Variants in CEP70 observed in about 807,000 individuals in gnomAD.
CEP70 encodes centrosomal protein 70, also known as centrosomal protein of 70 kDa.
CEP70 carries 70 observed loss-of-function variants against 90.9 expected under a neutral mutation model. The observed-to-expected ratio is 0.77, with a 90% CI of 0.64 to 0.94. The LOEUF is 0.94. Among genes scored for constraint, CEP70 ranks in the 40% least tolerant of loss-of-function variants. The pLI, the probability that CEP70 is intolerant of heterozygous loss-of-function variation, is 0.00. For synonymous variants in CEP70, 220 were observed against 228.3 expected (o/e 0.96, Z 0.33); for missense variants, 648 against 669.0 (o/e 0.97, Z 0.35).
intron 6 of CEP70, among the ~76,000 whole-genome samples, chr3:138,552,103 C>A (rs989049730): frequency 2.0e-5 from 3 of 152,102 alleles, no homozygotes; most frequent in African/African-American, 7.2e-5. Context: ...TGATAGAAAG[C>A]CTTGTCCAAC....
At chr3:138,544,033 A>G (rs979444555) in intron 6 of CEP70, among the ~76,000 whole-genome samples, 1 of 152,186 alleles carries the variant, frequency 6.6e-6, no homozygotes, top group East Asian at 1.9e-4. Flanking sequence ...TCATGCCTGT[A>G]ATCTCCACAC....
intron 11 of CEP70, among the ~76,000 whole-genome samples, chr3:138,522,271 T>A (rs2036734238): frequency 3.2e-5 from 4 of 126,508 alleles, no homozygotes; most frequent in African/African-American, 5.9e-5. Flanking sequence ...AACCCAAGAA[T>A]GATCAATAAA....
At chr3:138,541,430 GAAAAA>G in intron 6 of CEP70, among the ~76,000 whole-genome samples, 1 of 144,536 alleles carries the variant, frequency 6.9e-6, no homozygotes, top group South Asian at 2.2e-4. Flanking sequence ...AAAAGAAAAA[GAAAAA>G]AAAAAACCTG....
intron 12 of CEP70, among the ~76,000 whole-genome samples, chr3:138,506,908 T>G (rs1359463624): frequency 5.3e-5 from 8 of 151,678 alleles, no homozygotes. Context: ...GCCCAGCTAA[T>G]TAAATTTTTT....
chr3:138,536,083 CTAATTATTCAAGATTT>C (rs2038242146), intron 7 of CEP70, among the ~76,000 whole-genome samples: 1 of 151,886 alleles, frequency 6.6e-6, no homozygotes, highest in Non-Finnish European at 1.5e-5. Context: ...ATAGAAACAT[CTAATTATTCAAGATTT>C]CCAGTCCTAC....
chr3:138,505,929 C>G (rs2034949811), intron 12 of CEP70, among the ~76,000 whole-genome samples: 1 of 152,176 alleles, frequency 6.6e-6, no homozygotes, highest in Non-Finnish European at 1.5e-5. Context: ...GAAGCACCTT[C>G]CCAGACACAT....
At chr3:138,520,134 T>A (rs1162398292) in intron 11 of CEP70, among the ~76,000 whole-genome samples, 2 of 152,222 alleles carry the variant, frequency 1.3e-5, no homozygotes, top group Non-Finnish European at 2.9e-5. Context: ...AAGAGCTAAC[T>A]ATGTTAAATA....
rs138836050 is a variant in CEP70, at chr3:138,512,893, C to T, written c.945-4349G>A. ...TCCACTAATTTAGCTACATGCAAAA[C>T]ACATAGGTGCATCAATGTGAGCTTC... On this transcript the variant is annotated intron_variant, in intron 11 of 17. Coordinates refer to ENST00000264982, the MANE Select transcript of CEP70 (RefSeq NM_024491.4). Among the ~76,000 whole-genome samples the T allele has an allele frequency of 4.8e-3, 725 of 152,286 alleles. 4 individuals are homozygous for T. The highest frequency in any genetic ancestry group is 0.017 in the African/African-American group (698 of 41,562).
chr3:138,495,930 G>A, intron 17 of CEP70: 2 of 985,278 alleles, frequency 2.0e-6, no homozygotes, highest in Non-Finnish European at 2.4e-6. Context: ...ATATTATAGA[G>A]CTTAGCCTGG....
intron 2 of CEP70, among the ~76,000 whole-genome samples, chr3:138,588,549 C>T (rs114834304): frequency 6.6e-6 from 1 of 152,216 alleles, no homozygotes. Context: ...TGTGACACCA[C>T]TACACATATT....
intron 11 of CEP70, among the ~76,000 whole-genome samples, chr3:138,519,727 C>T (rs2036424361): frequency 6.6e-6 from 1 of 152,190 alleles, no homozygotes; most frequent in African/African-American, 2.4e-5. Context: ...ACTGCAAAAT[C>T]ATGCCAAATT....
At chr3:138,577,233 G>A (rs773449) in intron 2 of CEP70, among the ~76,000 whole-genome samples, 90,568 of 151,900 alleles carry the variant, frequency 0.6, 27,690 homozygotes, top group East Asian at 0.94. Context: ...ATTAGGAGAA[G>A]TACCTAATGT....
chr3:138,508,379 C>T, intron 12 of CEP70, 60 bp downstream of exon 12: 1 of 1,078,016 alleles, frequency 9.3e-7, no homozygotes, highest in East Asian at 2.4e-5. Flanking sequence ...TACACCACAA[C>T]TGATAACCAA....
intron 7 of CEP70, among the ~76,000 whole-genome samples, chr3:138,536,262 T>C (rs1367502129): frequency 9.2e-5 from 14 of 151,972 alleles, no homozygotes; most frequent in African/African-American, 1.7e-4. Flanking sequence ...CAATTACCTA[T>C]AGGGGAGGTA....
intron 6 of CEP70, among the ~76,000 whole-genome samples, chr3:138,564,319 A>G (rs563422715): frequency 2.6e-4 from 39 of 152,354 alleles, no homozygotes; most frequent in African/African-American, 9.1e-4. Flanking sequence ...TCAATAGAAG[A>G]TAAGGGAATC....
intron 11 of CEP70, among the ~76,000 whole-genome samples, chr3:138,525,107 C>G (rs2037080224): frequency 6.6e-6 from 1 of 152,122 alleles, no homozygotes; most frequent in Non-Finnish European, 1.5e-5. Context: ...AGTTCATGTC[C>G]TTTGTAGGGA....
chr3:138,525,589 T>A, intron 10 of CEP70, 25 bp from the exon 11 acceptor site: 4 of 1,082,680 alleles, frequency 3.7e-6, no homozygotes, highest in Non-Finnish European at 5.0e-6. Context: ...TAATGATAAA[T>A]TAATTCAATT....
Position 138,563,655 on chromosome 3 carries a change from C to A in CEP70, c.465+6663G>T, listed in dbSNP as rs183860169. Among the ~76,000 whole-genome samples the A allele has an allele frequency of 4.4e-3, 677 of 152,210 alleles. 2 individuals are homozygous for A. Among genetic ancestry groups the A allele is most frequent in the African/African-American group, 0.016 (654 of 41,520 alleles). ...AGATGTTCTTTGAAACCAATGAGAA[C>A]AAAGACACAATGTACCAGAATCTCT... On this transcript the variant is annotated intron_variant, in intron 6 of 17. Coordinates refer to ENST00000264982, the MANE Select transcript of CEP70 (RefSeq NM_024491.4).
At chr3:138,575,608 A>G (rs905827402) in intron 2 of CEP70, among the ~76,000 whole-genome samples, 2 of 152,152 alleles carry the variant, frequency 1.3e-5, no homozygotes, top group Non-Finnish European at 2.9e-5. Context: ...GAACACCACA[A>G]AGATACTCCT....
Sources: gnomAD v4.1 joint callset for allele counts (sites outside exome capture counted in the v4.1 genomes callset) on GRCh38, gnomAD v4.1.1 for gene constraint, MANE v1.5 for transcripts, NCBI Gene and HGNC (gene_info 2026-07-23, HGNC 2026-07-21) for gene names.